IRF8: variants seen among roughly 807,000 people sequenced by gnomAD.
IRF8 encodes interferon consensus sequence binding protein 1.
In IRF8, 14 loss-of-function variants were observed where a neutral mutation model predicts 48.7. That is an observed-to-expected ratio of 0.29 (90% CI 0.19 to 0.45). The LOEUF (loss-of-function observed/expected upper bound fraction) is 0.45, where lower values mean the gene tolerates loss of function less well. Ranked by LOEUF, IRF8 falls within the 20% of genes least tolerant of loss-of-function variation. The pLI is 1.00. For synonymous variants in IRF8, 278 were observed against 227.3 expected (o/e 1.22, Z -2.01); for missense variants, 493 against 580.7 (o/e 0.85, Z 1.55).
chr16:85,914,525 G>A lies in IRF8; in HGVS notation c.601+5G>A. On this transcript the variant is annotated splice_donor_5th_base_variant and intron_variant, in intron 6 of 8. Transcript: ENST00000268638. The stretch of plus-strand genomic sequence containing the variant: ...CCTACGACGCGCACCATTCAGGTAC[G>A]GGGTGGTCCGGGCTGAGAGGGGCGT... The A allele has an allele frequency of 6.2e-7, 1 of 1,614,032 alleles. No homozygotes were observed. The highest frequency in any genetic ancestry group is 8.5e-7 in the Non-Finnish European group (1 of 1,179,996).
At chr16:85,914,408 T>C in intron 5 of IRF8, 65 bp from the exon 6 acceptor site, 1 of 1,591,916 alleles carries the variant, frequency 6.3e-7, no homozygotes, top group Non-Finnish European at 8.6e-7. Context: ...GAAGGAGCGA[T>C]TGGGGTTACT....
intron 2 of IRF8, among the ~76,000 whole-genome samples, chr16:85,907,900 C>T (rs919015868): frequency 1.3e-5 from 2 of 152,024 alleles, no homozygotes; most frequent in South Asian, 4.2e-4. Context: ...GGCATTTAAT[C>T]CCAGACTGGG....
intron 5 of IRF8, chr16:85,914,157 A>C: frequency 2.4e-6 from 1 of 423,376 alleles, no homozygotes; most frequent in Non-Finnish European, 4.4e-6. Flanking sequence ...TATGCAGTCC[A>C]GTGGTATTCT....
intron 4 of IRF8, 58 bp from the exon 5 acceptor site, chr16:85,913,073 G>A: frequency 4.3e-6 from 5 of 1,157,646 alleles, no homozygotes; most frequent in Non-Finnish European, 6.6e-6. Flanking sequence ...AAACACTGGA[G>A]CCCCAGGTGG....
intron 1 of IRF8, among the ~76,000 whole-genome samples, chr16:85,901,560 G>A (rs879450466): frequency 6.6e-6 from 1 of 152,158 alleles, no homozygotes; most frequent in African/African-American, 2.4e-5. Flanking sequence ...CCAGGCTGCC[G>A]CGAGCTATGA....
rs544352709 is a variant in IRF8, at chr16:85,921,602, C to G, written c.*320C>G. The G allele has an allele frequency of 1.1e-5, 4 of 374,166 alleles. No individual in the cohort carries two copies. The highest frequency in any genetic ancestry group is 2.1e-5 in the African/African-American group (1 of 48,098). 23.2% of individuals were successfully genotyped at this position (374,166 alleles called of 1,614,324 possible). Reference sequence around the variant, plus strand: ...TTCGGTTAACTATCATTTCCAAAGACTTGTCATTCAGTAATATTAGCAGAT... The same window carrying G: ...TTCGGTTAACTATCATTTCCAAAGAGTTGTCATTCAGTAATATTAGCAGAT... On this transcript the variant is annotated 3_prime_UTR_variant, in exon 9 of 9. Transcript: ENST00000268638.
At chr16:85,910,753 G>A (rs1028823849) in intron 3 of IRF8, among the ~76,000 whole-genome samples, 7 of 152,152 alleles carry the variant, frequency 4.6e-5, no homozygotes, top group Admixed American at 1.3e-4. Flanking sequence ...CATGGTGGGC[G>A]CCCCACCTGC....
chr16:85,912,692 G>C (rs547987340), intron 4 of IRF8, among the ~76,000 whole-genome samples: 1 of 152,272 alleles, frequency 6.6e-6, no homozygotes, highest in African/African-American at 2.4e-5. Flanking sequence ...GGATTTATCA[G>C]CCTCCTTTAA....
intron 2 of IRF8, among the ~76,000 whole-genome samples, chr16:85,908,625 C>T (rs1289363744): frequency 1.3e-5 from 2 of 152,172 alleles, no homozygotes; most frequent in Non-Finnish European, 2.9e-5. Flanking sequence ...CTGGTGAAAC[C>T]ATATGCAACT....
intron 1 of IRF8, among the ~76,000 whole-genome samples, chr16:85,900,128 C>T (rs957948960): frequency 2.0e-5 from 3 of 152,178 alleles, no homozygotes; most frequent in African/African-American, 7.2e-5. Flanking sequence ...AGAGAAATGG[C>T]TTTGGTGCTT....
rs144550295 is a variant in IRF8 at position 85,918,667 on chromosome 16, G to A, written c.852G>A (p.Arg284=). ...GCGGGGTGCTGCTGCACAGCAGCCG[G>A]CAGGGCGTGTTCGTCAAGCGGCTGT... ...LERGVLLHSS[R]QGVFVKRLCQ... The change falls in exon 7 of 9, where the codon CGG becomes CGA. Residue 284 remains arginine, a synonymous_variant. Transcript: ENST00000268638. The A allele has an allele frequency of 2.5e-6, 4 of 1,610,846 alleles. No homozygotes were observed. The highest frequency in any genetic ancestry group is 2.5e-6 in the Non-Finnish European group (3 of 1,179,816).
chr16:85,920,302 A>C (rs534439736), intron 8 of IRF8, 78 bp downstream of exon 8: 27 of 979,980 alleles, frequency 2.8e-5, no homozygotes, highest in African/African-American at 3.7e-5. Flanking sequence ...GCTGGTGTGC[A>C]ATGGCGTGAC....
intron 1 of IRF8, among the ~76,000 whole-genome samples, chr16:85,899,634 C>G (rs902072888): frequency 2.0e-5 from 3 of 152,134 alleles, no homozygotes; most frequent in African/African-American, 7.2e-5. Flanking sequence ...TGCCCAATAA[C>G]CAGTCGTTAC....
chr16:85,906,372 G>T (rs1364389818), intron 2 of IRF8, among the ~76,000 whole-genome samples: 2 of 152,178 alleles, frequency 1.3e-5, no homozygotes, highest in African/African-American at 4.8e-5. Flanking sequence ...TCACTCTCAT[G>T]TCTAGTTTTT....
chr16:85,909,293 G>T, intron 3 of IRF8, 120 bp downstream of exon 3: 1 of 792,004 alleles, frequency 1.3e-6, no homozygotes. Context: ...GTTAAACAAA[G>T]CAGTTCTCTC....
chr16:85,904,902 G>A (rs1030332051), intron 2 of IRF8, among the ~76,000 whole-genome samples: 1 of 143,754 alleles, frequency 7.0e-6, no homozygotes, highest in African/African-American at 2.7e-5. Context: ...GTCCCATTCA[G>A]TCGGTTGGGA....
At chr16:85,920,629 T>C (rs1332684934) in intron 8 of IRF8, among the ~76,000 whole-genome samples, 2 of 152,216 alleles carry the variant, frequency 1.3e-5, no homozygotes, top group Non-Finnish European at 2.9e-5. Flanking sequence ...CAAGGACAAG[T>C]TTCCACCTGT....
At chr16:85,910,177 G>C (rs1905104815) in intron 3 of IRF8, among the ~76,000 whole-genome samples, 1 of 152,240 alleles carries the variant, frequency 6.6e-6, no homozygotes, top group Admixed American at 6.5e-5. Context: ...CAGCATGATG[G>C]TAAAGATGGT....
chr16:85,909,121 C>A lies in IRF8; in HGVS notation c.306C>A (p.Asp102Glu). The part of the protein sequence containing the change: ...FEEVTDRSQL[D>E]ISEPYKVYRI... ...AAGTGACGGACCGGTCCCAACTGGA[C>A]ATTTCCGAGCCATACAAAGTTTACC... The change falls in exon 3 of 9, where the codon GAC (aspartate) becomes GAA (glutamate). Residue 102 changes from aspartate (D) to glutamate (E), a missense_variant. Asp to Glu is a conservative substitution (Grantham distance 45). Coordinates refer to ENST00000268638, the MANE Select transcript of IRF8 (RefSeq NM_002163.4). The A allele has an allele frequency of 6.2e-7, 1 of 1,614,156 alleles. No individual in the cohort carries two copies. The highest frequency in any genetic ancestry group is 1.1e-5 in the South Asian group (1 of 91,088).
Sources: allele counts gnomAD v4.1 joint callset (sites outside exome capture counted in the v4.1 genomes callset), GRCh38; gene constraint gnomAD v4.1.1; transcripts MANE v1.5; gene names NCBI Gene and HGNC (gene_info 2026-07-23, HGNC 2026-07-21).